KCNQ3: variants seen among roughly 807,000 people sequenced by gnomAD.
KCNQ3 encodes the protein potassium voltage-gated channel subfamily Q member 3.
Under a neutral mutation model 92.5 loss-of-function variants are expected in KCNQ3, and 30 were observed. The ratio of observed to expected loss-of-function variants is 0.32; its 90% confidence interval spans 0.24 to 0.44. The LOEUF (loss-of-function observed/expected upper bound fraction) is 0.44, where lower values mean the gene tolerates loss of function less well. KCNQ3 is among the 20% of genes least tolerant of loss of function. The pLI is 1.00. For missense variants in KCNQ3, 913 were observed against 1,140.3 expected (o/e 0.80, Z 2.87); for synonymous variants, 450 against 468.8 (o/e 0.96, Z 0.52).
At chr8:132,267,811 T>C (rs979531356) in intron 1 of KCNQ3, among the ~76,000 whole-genome samples, 1 of 152,142 alleles carries the variant, frequency 6.6e-6, no homozygotes, top group African/African-American at 2.4e-5. Context: ...ACAGCAAAAA[T>C]AACCAGAAAA....
intron 1 of KCNQ3, among the ~76,000 whole-genome samples, chr8:132,380,049 A>C (rs1819705095): frequency 6.6e-6 from 1 of 152,238 alleles, no homozygotes; most frequent in South Asian, 2.1e-4. Context: ...GAAGAAACAC[A>C]GTAAAAATGG....
At chr8:132,302,573 G>A (rs953977244) in intron 1 of KCNQ3, among the ~76,000 whole-genome samples, 42 of 152,200 alleles carry the variant, frequency 2.8e-4, no homozygotes, top group Non-Finnish European at 4.8e-4. Flanking sequence ...AGGATGGTCC[G>A]GCTGGACAAC....
intron 1 of KCNQ3, among the ~76,000 whole-genome samples, chr8:132,433,716 C>T (rs1481427050): frequency 6.6e-6 from 1 of 151,442 alleles, no homozygotes; most frequent in African/African-American, 2.4e-5. Context: ...ATGGCAAAAA[C>T]CCATCTCTAC....
rs1816452604 is a variant in KCNQ3 at position 132,279,710 on chromosome 8, ATATGCACAC to A, written c.387-93538_387-93530del. ...TATACACATGATTGTATGTCTACAT[ATATGCACAC>A]ATACATATGCATGTAAACACAAACA... On this transcript the variant is annotated intron_variant, in intron 1 of 14. Transcript: ENST00000388996. Among the ~76,000 whole-genome samples the A allele has an allele frequency of 1.3e-5, 2 of 152,276 alleles. 1 individual carries two copies.
At chr8:132,305,215 CA>C (rs1397982175) in intron 1 of KCNQ3, among the ~76,000 whole-genome samples, 1 of 152,200 alleles carries the variant, frequency 6.6e-6, no homozygotes, top group Non-Finnish European at 1.5e-5. Context: ...ACATGTAACA[CA>C]AATTAGCTCA....
chr8:132,340,014 A>G (rs1818478314), intron 1 of KCNQ3, among the ~76,000 whole-genome samples: 1 of 152,144 alleles, frequency 6.6e-6, no homozygotes, highest in Non-Finnish European at 1.5e-5. Flanking sequence ...CATGCAGCTG[A>G]AGTCATCACT....
intron 1 of KCNQ3, among the ~76,000 whole-genome samples, chr8:132,326,429 A>C (rs1261562159): frequency 6.6e-6 from 1 of 152,238 alleles, no homozygotes; most frequent in African/African-American, 2.4e-5. Context: ...GGAAAGATCC[A>C]GTCCCTGCCC....
chr8:132,293,437 A>C (rs929701630), intron 1 of KCNQ3, among the ~76,000 whole-genome samples: 1 of 152,168 alleles, frequency 6.6e-6, no homozygotes, highest in African/African-American at 2.4e-5. Context: ...CCTGGTGTAC[A>C]GTGAAAAACC....
At position 132,127,917 on chromosome 8, in the gene KCNQ3, GGGTT is replaced by G. The variant is rs1254628770; in HGVS notation, c.*1341_*1344del. The G allele has an allele frequency of 6.6e-6, 1 of 152,132 alleles. No homozygotes were observed. The highest frequency in any genetic ancestry group is 1.5e-5 in the Non-Finnish European group (1 of 68,022). The allele number at this position is 152,132 out of a possible 1,614,324, so 9.4% of individuals were successfully genotyped here. On this transcript the variant is annotated 3_prime_UTR_variant, in exon 15 of 15. Coordinates refer to ENST00000388996, the MANE Select transcript of KCNQ3 (RefSeq NM_004519.4). ...TTTAGTATTTTCATTTAAAAAATCT[GGGTT>G]GGTTCCATAAATTTGGAAAAGTAAA...
At chr8:132,297,549 A>G (rs1817079862) in intron 1 of KCNQ3, among the ~76,000 whole-genome samples, 1 of 152,236 alleles carries the variant, frequency 6.6e-6, no homozygotes, top group Non-Finnish European at 1.5e-5. Flanking sequence ...CCACTACAGC[A>G]CAAATAAAAA....
At chr8:132,439,213 G>A (rs1045745314) in intron 1 of KCNQ3, among the ~76,000 whole-genome samples, 10 of 151,532 alleles carry the variant, frequency 6.6e-5, no homozygotes, top group South Asian at 2.1e-4. Flanking sequence ...TGGACTGAGC[G>A]GCAAACTCAT....
intron 1 of KCNQ3, among the ~76,000 whole-genome samples, chr8:132,364,467 C>A (rs1819258084): frequency 6.6e-6 from 1 of 152,286 alleles, no homozygotes; most frequent in Non-Finnish European, 1.5e-5. Flanking sequence ...CGGGAGGTCA[C>A]TTCTGTTTAT....
chr8:132,205,364 C>T (rs183797872), intron 1 of KCNQ3, among the ~76,000 whole-genome samples: 3 of 152,340 alleles, frequency 2.0e-5, no homozygotes, highest in South Asian at 2.1e-4. Context: ...TATTTGCTTG[C>T]GCTATGGATG....
intron 1 of KCNQ3, among the ~76,000 whole-genome samples, chr8:132,456,483 G>GTA (rs2130854447): frequency 6.6e-6 from 1 of 151,930 alleles, no homozygotes; most frequent in African/African-American, 2.4e-5. Flanking sequence ...GTGTGTGTGT[G>GTA]TGCAGTTTGT....
chr8:132,298,145 G>A (rs1817103942), intron 1 of KCNQ3, among the ~76,000 whole-genome samples: 1 of 152,164 alleles, frequency 6.6e-6, no homozygotes, highest in South Asian at 2.1e-4. Flanking sequence ...GCTAGTAGAG[G>A]ACACATGAAG....
intron 1 of KCNQ3, among the ~76,000 whole-genome samples, chr8:132,341,352 C>T (rs754828967): frequency 1.6e-4 from 24 of 152,130 alleles, no homozygotes; most frequent in Non-Finnish European, 2.4e-4. Flanking sequence ...GCTGAAGGCA[C>T]GTTTTCTCCG....
intron 1 of KCNQ3, among the ~76,000 whole-genome samples, chr8:132,338,121 C>T (rs1488175916): frequency 6.6e-6 from 1 of 152,174 alleles, no homozygotes. Context: ...CTTCGGTGTG[C>T]TGGGCAGAGT....
rs532667165 is a variant in KCNQ3, at chr8:132,141,609, G to A, written c.1263-278C>T. On this transcript the variant is annotated intron_variant, in intron 9 of 14. Transcript: ENST00000388996. ...TTACATGAGGTGCCCGCTATAAATT[G>A]CCTAGCTCATCCTAGTATGCTGCAG... Among the ~76,000 whole-genome samples, 4 of 152,274 alleles carry A rather than the reference G, an allele frequency of 2.6e-5. No individual in the cohort carries two copies. In the South Asian group the frequency reaches 8.3e-4, roughly 32 times the overall value.
At position 132,441,281 on chromosome 8, in the gene KCNQ3, T is replaced by A. The variant is rs1456425476; in HGVS notation, c.386+38866A>T. On this transcript the variant is annotated intron_variant, in intron 1 of 14. Coordinates refer to ENST00000388996, the MANE Select transcript of KCNQ3 (RefSeq NM_004519.4). ...ATTCCTTTGGGTAGGCCAGGTGCAG[T>A]GGCTCACGCCTGTAATCCCAGCACT... Among the ~76,000 whole-genome samples the A allele has an allele frequency of 3.9e-5, 6 of 152,382 alleles. No individual in the cohort carries two copies. In the South Asian group the frequency reaches 1.2e-3, roughly 32 times the overall value.
Sources: gnomAD v4.1 joint callset for allele counts (sites outside exome capture counted in the v4.1 genomes callset) on GRCh38, gnomAD v4.1.1 for gene constraint, MANE v1.5 for transcripts, NCBI Gene and HGNC (gene_info 2026-07-23, HGNC 2026-07-21) for gene names.